The following REV3L variants were observed in gnomAD, a reference collection of about 807,000 sequenced individuals.
REV3L encodes the protein REV3 like, DNA directed polymerase zeta catalytic subunit.
In REV3L, 69 loss-of-function variants were observed where a neutral mutation model predicts 299.4. The ratio of observed to expected loss-of-function variants is 0.23; its 90% CI spans 0.19 to 0.28. The LOEUF (loss-of-function observed/expected upper bound fraction) is 0.28, where lower values mean the gene tolerates loss of function less well. REV3L is among the 10% of genes least tolerant of loss of function. REV3L has a pLI of 1.00. For synonymous variants in REV3L, 1,238 were observed against 1,271.4 expected (o/e 0.97, Z 0.56); for missense variants, 3,128 against 3,693.8 (o/e 0.85, Z 3.97).
chr6:111,361,604 T>C (rs1192561716), intron 16 of REV3L: 4 of 151,972 alleles, frequency 2.6e-5, no homozygotes, highest in Non-Finnish European at 5.9e-5. Flanking sequence ...TAGGGGGTAT[T>C]TTTTTAAAGC....
chr6:111,461,487 T>G (rs2128326060), intron 1 of REV3L, among the ~76,000 whole-genome samples: 1 of 152,128 alleles, frequency 6.6e-6, no homozygotes, highest in South Asian at 2.1e-4. Context: ...GGCTAATTAT[T>G]GAAGACTTTT....
intron 20 of REV3L, among the ~76,000 whole-genome samples, chr6:111,345,023 TA>T (rs1460962215): frequency 6.6e-6 from 1 of 152,130 alleles, no homozygotes; most frequent in Non-Finnish European, 1.5e-5. Context: ...TAGGTATACA[TA>T]TACACAGATG....
intron 13 of REV3L, among the ~76,000 whole-genome samples, chr6:111,370,060 T>C (rs1779647614): frequency 6.6e-6 from 1 of 152,176 alleles, no homozygotes; most frequent in African/African-American, 2.4e-5. Flanking sequence ...CTCGATCTCC[T>C]GACCTTGTGA....
chr6:111,422,577 CACAT>C lies in REV3L; in HGVS notation c.140-6109_140-6106del, dbSNP rs1311910139. 5.7e-3 allele frequency among the ~76,000 whole-genome samples: 118 copies of C among 20,622 alleles called. 8 individuals carry two copies. The highest frequency in any genetic ancestry group is 0.013 in the South Asian group (7 of 528). 13.5% of individuals were successfully genotyped at this position (20,622 alleles called of 152,430 possible). On this transcript the variant is annotated intron_variant, in intron 1 of 31. Coordinates refer to ENST00000368802, the MANE Select transcript of REV3L (RefSeq NM_001372078.1). The stretch of plus-strand genomic sequence containing the variant: ...TGGGTGATTCTTTTATATATATATA[CACAT>C]ATATATATATATACACATATATATA...
At chr6:111,433,071 C>A (rs1399166167) in intron 1 of REV3L, among the ~76,000 whole-genome samples, 3 of 152,032 alleles carry the variant, frequency 2.0e-5, no homozygotes, top group African/African-American at 7.2e-5. Flanking sequence ...AAGTTTATAA[C>A]AATAAACACC....
intron 29 of REV3L, 72 bp downstream of exon 29, chr6:111,310,997 T>C: frequency 8.0e-7 from 1 of 1,249,478 alleles, no homozygotes. Flanking sequence ...ATGGACTGTC[T>C]TTTCATTTGG....
At chr6:111,401,566 T>C (rs140880395) in intron 4 of REV3L, among the ~76,000 whole-genome samples, 5 of 152,352 alleles carry the variant, frequency 3.3e-5, no homozygotes, top group African/African-American at 9.6e-5. Context: ...GAATTAGTTA[T>C]GAACAAATGA....
intron 26 of REV3L, 126 bp downstream of exon 26, chr6:111,322,443 C>T (rs1774287614): frequency 1.3e-5 from 9 of 696,050 alleles, no homozygotes; most frequent in Admixed American, 2.4e-5. Context: ...ATCATGAGAT[C>T]GTAAGGACTG....
intron 11 of REV3L, among the ~76,000 whole-genome samples, chr6:111,379,744 G>GTATA (rs1398335346): frequency 6.6e-6 from 1 of 152,080 alleles, no homozygotes; most frequent in Non-Finnish European, 1.5e-5. Flanking sequence ...TTAATACTGT[G>GTATA]TATATAAATG....
intron 3 of REV3L, among the ~76,000 whole-genome samples, chr6:111,408,827 G>A (rs1338677732): frequency 6.6e-6 from 1 of 152,034 alleles, no homozygotes. Flanking sequence ...TAAGACGATA[G>A]GTGCTTGCCA....
At chr6:111,414,677 C>G (rs557900020) in intron 2 of REV3L, among the ~76,000 whole-genome samples, 7 of 152,106 alleles carry the variant, frequency 4.6e-5, no homozygotes, top group Non-Finnish European at 1.0e-4. Context: ...CTCAAATGTT[C>G]CTGTATGAGC....
intron 19 of REV3L, among the ~76,000 whole-genome samples, chr6:111,350,752 CTTT>C (rs35185792): frequency 1.0e-4 from 14 of 138,596 alleles, no homozygotes; most frequent in Admixed American, 1.4e-4. Context: ...AATTTTCTTT[CTTT>C]TTTTTTTTTT....
chr6:111,313,077 T>G (rs1188374955), intron 28 of REV3L: 10 of 278,002 alleles, frequency 3.6e-5, no homozygotes, highest in Non-Finnish European at 6.6e-5. Flanking sequence ...GCAGAAAGAT[T>G]GCTTGAGCTC....
rs1431508163 is a variant in REV3L, at chr6:111,346,705, C to T, written c.7419+2513G>A. ...ATAACTTTCTTACAGTTGTTTCCCA[C>T]ATTTGCATAAAGATCAGAGATACTA... is the stretch of plus-strand genomic sequence containing the variant. On this transcript the variant is annotated intron_variant, in intron 20 of 31. Coordinates refer to ENST00000368802, the MANE Select transcript of REV3L (RefSeq NM_001372078.1). 6.6e-5 allele frequency among the ~76,000 whole-genome samples: 10 copies of T among 152,128 alleles called. 1 individual carries two copies. The highest frequency in any genetic ancestry group is 6.5e-5 in the Admixed American group (1 of 15,274).
chr6:111,397,751 C>T (rs1782673498), intron 4 of REV3L, among the ~76,000 whole-genome samples: 1 of 151,996 alleles, frequency 6.6e-6, no homozygotes. Context: ...ATCCTCCTAC[C>T]TCAGCCTCCT....
At chr6:111,335,436 A>T (rs1160477994) in intron 22 of REV3L, 33 bp downstream of exon 22, 2 of 1,596,808 alleles carry the variant, frequency 1.3e-6, no homozygotes, top group Non-Finnish European at 1.7e-6. Context: ...CTCATACAGA[A>T]CTTTCAAGTC....
chr6:111,312,201 G>A (rs1409699904), intron 28 of REV3L: 2 of 152,100 alleles, frequency 1.3e-5, no homozygotes, highest in Admixed American at 6.6e-5. Flanking sequence ...TTTAGCTTGA[G>A]TACAATTCTG....
At chr6:111,385,075 A>G (rs1169367234) in intron 9 of REV3L, among the ~76,000 whole-genome samples, 2 of 151,964 alleles carry the variant, frequency 1.3e-5, no homozygotes, top group African/African-American at 4.8e-5. Context: ...TCATGGAGAT[A>G]AGAGAGTAGA....
In REV3L at chr6:111,333,382, G is replaced by T; in HGVS notation, c.7681-15C>A. 2 of 1,611,942 alleles carry T rather than the reference G, an allele frequency of 1.2e-6. No individual in the cohort carries two copies. Among genetic ancestry groups the T allele is most frequent in the Non-Finnish European group, 1.7e-6 (2 of 1,178,348 alleles). ...TCCACACGGTACTGCAGGGAGAAAG[G>T]GAGGTGAGAAGAGAAGAAACACAGT... is the stretch of plus-strand genomic sequence containing the variant. On this transcript the variant is annotated splice_polypyrimidine_tract_variant and intron_variant, in intron 22 of 31. Coordinates refer to ENST00000368802, the MANE Select transcript of REV3L (RefSeq NM_001372078.1).
Sources: allele counts gnomAD v4.1 joint callset (sites outside exome capture counted in the v4.1 genomes callset), GRCh38; gene constraint gnomAD v4.1.1; transcripts MANE v1.5; gene names NCBI Gene and HGNC (gene_info 2026-07-23, HGNC 2026-07-21).